WWOX: variants seen among roughly 807,000 people sequenced by gnomAD.
WWOX encodes WW domain-containing oxidoreductase.
Under a neutral mutation model 46.2 loss-of-function variants are expected in WWOX, and 69 were observed. The ratio of observed to expected loss-of-function variants is 1.49; its 90% confidence interval spans 1.23 to 1.82. WWOX has a LOEUF of 1.82. Ranked by LOEUF, WWOX falls within the 40% of genes most tolerant of loss-of-function variation. The pLI is 0.00. For missense variants in WWOX, 919 were observed against 542.6 expected (o/e 1.69, Z -6.89); for synonymous variants, 359 against 202.6 (o/e 1.77, Z -6.56).
chr16:78,991,550 A>G (rs968101600), intron 8 of WWOX, among the ~76,000 whole-genome samples: 1 of 145,162 alleles, frequency 6.9e-6, no homozygotes, highest in East Asian at 2.1e-4. Context: ...ATAGTGAGCC[A>G]TGATTGCACC....
intron 8 of WWOX, among the ~76,000 whole-genome samples, chr16:78,460,007 A>G (rs1597115889): frequency 6.7e-6 from 1 of 149,806 alleles, no homozygotes; most frequent in East Asian, 1.9e-4. Flanking sequence ...GTTTTTCACC[A>G]TGTTGTTCAG....
chr16:78,875,724 G>T (rs982859749), intron 8 of WWOX, among the ~76,000 whole-genome samples: 14 of 152,244 alleles, frequency 9.2e-5, no homozygotes, highest in South Asian at 2.1e-4. Context: ...TTTCCTAGTC[G>T]ATTACAACTG....
intron 8 of WWOX, among the ~76,000 whole-genome samples, chr16:79,093,962 G>A (rs997485826): frequency 2.0e-5 from 3 of 152,136 alleles, no homozygotes; most frequent in African/African-American, 4.8e-5. Context: ...ACTTAGTACC[G>A]TGTCATATAC....
chr16:79,146,630 A>G (rs951467318), intron 8 of WWOX, among the ~76,000 whole-genome samples: 1 of 152,146 alleles, frequency 6.6e-6, no homozygotes, highest in African/African-American at 2.4e-5. Context: ...TAAGTGGGAG[A>G]ATGCAGCCAG....
intron 8 of WWOX, among the ~76,000 whole-genome samples, chr16:78,479,438 A>G (rs973803142): frequency 2.0e-5 from 3 of 152,200 alleles, no homozygotes; most frequent in Admixed American, 6.5e-5. Context: ...ATTTATAACT[A>G]TAGTTTATTT....
chr16:78,762,788 C>T (rs2049825949), intron 8 of WWOX, among the ~76,000 whole-genome samples: 3 of 152,210 alleles, frequency 2.0e-5, no homozygotes, highest in Non-Finnish European at 4.4e-5. Context: ...CTTAACCTCT[C>T]TGGCCTCAGT....
intron 6 of WWOX, among the ~76,000 whole-genome samples, chr16:78,391,886 C>G (rs115002756): frequency 0.011 from 1,624 of 152,144 alleles, 27 homozygotes; most frequent in African/African-American, 0.037. Flanking sequence ...AAACAAGAAA[C>G]ATTTCTTTTG....
At chr16:78,756,320 C>G (rs188454383) in intron 8 of WWOX, among the ~76,000 whole-genome samples, 1 of 150,800 alleles carries the variant, frequency 6.6e-6, no homozygotes, top group African/African-American at 2.5e-5. Flanking sequence ...GTATTTGAAA[C>G]AAACAAAAAA....
chr16:78,890,455 C>T (rs1253357140), intron 8 of WWOX: 4 of 151,688 alleles, frequency 2.6e-5, no homozygotes, highest in Non-Finnish European at 4.4e-5. Flanking sequence ...ACTGTTCCCC[C>T]AGCCCCAGTC....
chr16:78,933,218 C>G (rs7198043), intron 8 of WWOX, among the ~76,000 whole-genome samples: 4,206 of 152,318 alleles, frequency 0.028, 188 homozygotes, highest in African/African-American at 0.095. Context: ...GCGGGTGGAT[C>G]ACCTAAGGTC....
In WWOX at chr16:78,594,429, G is replaced by GCCCCCCC. The variant is rs138806967; in HGVS notation, c.1056+161687_1056+161693dup. On this transcript the variant is annotated intron_variant, in intron 8 of 8. Transcript: ENST00000566780. ...TCTTGACGAAGAAGACTGAGGAAAG[G>GCCCCCCC]CCCCCCCCCCCCCCCCGCCAAATTG... 4.3e-3 allele frequency among the ~76,000 whole-genome samples: 140 copies of GCCCCCCC among 32,390 alleles called. 4 individuals carry two copies. Among genetic ancestry groups the GCCCCCCC allele is most frequent in the Middle Eastern group, 0.028 (1 of 36 alleles). 21.2% of individuals were successfully genotyped at this position (32,390 alleles called of 152,430 possible).
intron 8 of WWOX, among the ~76,000 whole-genome samples, chr16:79,166,386 T>A (rs557572894): frequency 1.3e-5 from 2 of 152,278 alleles, no homozygotes; most frequent in Admixed American, 1.3e-4. Flanking sequence ...AGTTTGCAGC[T>A]TTTCTTCCCT....
intron 5 of WWOX, among the ~76,000 whole-genome samples, chr16:78,190,300 A>G (rs2035844279): frequency 6.6e-6 from 1 of 152,188 alleles, no homozygotes; most frequent in Admixed American, 6.5e-5. Flanking sequence ...GGAGACAGTA[A>G]GAAAGGTGAC....
intron 4 of WWOX, among the ~76,000 whole-genome samples, chr16:78,163,257 A>T (rs925812275): frequency 1.3e-5 from 2 of 152,216 alleles, no homozygotes; most frequent in Non-Finnish European, 2.9e-5. Context: ...GCTTCTGGAA[A>T]TTGGATAGAT....
At chr16:78,404,582 C>A (rs2082483884) in intron 6 of WWOX, among the ~76,000 whole-genome samples, 1 of 152,136 alleles carries the variant, frequency 6.6e-6, no homozygotes, top group South Asian at 2.1e-4. Context: ...TATCAAATTT[C>A]TTTCATATCA....
chr16:79,080,329 G>A (rs927921678), intron 8 of WWOX, among the ~76,000 whole-genome samples: 1 of 151,644 alleles, frequency 6.6e-6, no homozygotes, highest in Non-Finnish European at 1.5e-5. Context: ...CTCTTGCCAC[G>A]AATCAGCTAT....
At chr16:78,507,723 T>C (rs2085247475) in intron 8 of WWOX, among the ~76,000 whole-genome samples, 1 of 152,048 alleles carries the variant, frequency 6.6e-6, no homozygotes, top group African/African-American at 2.4e-5. Flanking sequence ...TGAATTATAA[T>C]ATGGTAGAGG....
At chr16:78,933,821 C>A (rs573228144) in intron 8 of WWOX, among the ~76,000 whole-genome samples, 1 of 152,116 alleles carries the variant, frequency 6.6e-6, no homozygotes, top group Non-Finnish European at 1.5e-5. Flanking sequence ...CTTCCTCCCA[C>A]GACATTTGGG....
intron 8 of WWOX, among the ~76,000 whole-genome samples, chr16:78,990,522 A>G (rs1369812450): frequency 6.6e-6 from 1 of 152,244 alleles, no homozygotes; most frequent in Non-Finnish European, 1.5e-5. Flanking sequence ...GCCAAAATGC[A>G]CATCACACTG....
Sources: allele counts gnomAD v4.1 joint callset (sites outside exome capture counted in the v4.1 genomes callset), GRCh38; gene constraint gnomAD v4.1.1; transcripts MANE v1.5; gene names NCBI Gene and HGNC (gene_info 2026-07-23, HGNC 2026-07-21).